PCDH11X: variants seen among roughly 807,000 people sequenced by gnomAD.
PCDH11X encodes protocadherin-11 X-linked.
Under a neutral mutation model 53.3 loss-of-function variants are expected in PCDH11X, and 18 were observed. That is an observed-to-expected ratio of 0.34 (90% CI 0.23 to 0.50). The LOEUF (loss-of-function observed/expected upper bound fraction) is 0.50, where lower values mean the gene tolerates loss of function less well. PCDH11X is among the 20% of genes least tolerant of loss of function. PCDH11X has a pLI of 0.98. For missense variants in PCDH11X, 570 were observed against 1,032.4 expected (o/e 0.55, Z 6.14); for synonymous variants, 279 against 393.3 (o/e 0.71, Z 3.44).
intron 6 of PCDH11X, among the ~76,000 whole-genome samples, chrX:92,194,316 T>C (rs1033530355): frequency 3.6e-5 from 4 of 111,825 alleles, no homozygotes; most frequent in African/African-American, 1.3e-4. Context: ...TTCTGATAAG[T>C]TTTGATATTT....
intron 7 of PCDH11X, among the ~76,000 whole-genome samples, chrX:92,244,933 T>C (rs1483044932): frequency 8.9e-6 from 1 of 111,875 alleles, no homozygotes; most frequent in Admixed American, 9.5e-5. Flanking sequence ...AAGCAATTAA[T>C]AGTAAAAATA....
At chrX:91,916,402 T>G (rs1941565763) in intron 6 of PCDH11X, among the ~76,000 whole-genome samples, 1 of 111,121 alleles carries the variant, frequency 9.0e-6, no homozygotes, top group Admixed American at 9.5e-5. Flanking sequence ...TTTGAAAAGA[T>G]AAACAAATGG....
intron 6 of PCDH11X, among the ~76,000 whole-genome samples, chrX:91,894,519 C>T (rs1940657219): frequency 9.0e-6 from 1 of 111,558 alleles, no homozygotes; most frequent in Non-Finnish European, 1.9e-5. Context: ...TATTCATAAA[C>T]GCACCCCTCT....
chrX:92,255,848 A>C (rs1392495200), intron 7 of PCDH11X, among the ~76,000 whole-genome samples: 1 of 112,262 alleles, frequency 8.9e-6, no homozygotes, highest in African/African-American at 3.2e-5. Context: ...GCTGTCAGAC[A>C]GGGACATTTA....
At chrX:91,830,796 C>A (rs1937078882) in intron 4 of PCDH11X, among the ~76,000 whole-genome samples, 1 of 111,047 alleles carries the variant, frequency 9.0e-6, no homozygotes, top group African/African-American at 3.3e-5. Context: ...ATAGATATTT[C>A]TTATCTTCAT....
intron 7 of PCDH11X, among the ~76,000 whole-genome samples, chrX:92,224,767 C>G (rs1382349773): frequency 8.9e-6 from 1 of 112,174 alleles, no homozygotes; most frequent in Non-Finnish European, 1.9e-5. Flanking sequence ...TTGTCTGAAG[C>G]TTTTAACAAC....
At chrX:92,262,890 G>A (rs1242256033) in intron 7 of PCDH11X, 4 of 306,544 alleles carry the variant, frequency 1.3e-5, no homozygotes, top group Non-Finnish European at 1.7e-5. Context: ...TTTTGCACAA[G>A]ATTTACAATG....
At chrX:91,993,365 G>C (rs2062357993) in intron 6 of PCDH11X, among the ~76,000 whole-genome samples, 1 of 112,300 alleles carries the variant, frequency 8.9e-6, no homozygotes, top group Non-Finnish European at 1.9e-5. Flanking sequence ...ATATTACCTA[G>C]TGCTTTCAGC....
intron 6 of PCDH11X, among the ~76,000 whole-genome samples, chrX:92,098,225 C>G: frequency 9.1e-6 from 1 of 110,289 alleles, no homozygotes; most frequent in South Asian, 3.8e-4. Flanking sequence ...TCTAAGTAAC[C>G]AAAACTACAT....
chrX:91,811,662 G>A (rs1428515026), intron 4 of PCDH11X, among the ~76,000 whole-genome samples: 2 of 108,689 alleles, frequency 1.8e-5, no homozygotes, highest in Non-Finnish European at 3.8e-5. Flanking sequence ...CCTCTGGATC[G>A]TGCAAAGATG....
chrX:92,159,697 T>C (rs2065602848), intron 6 of PCDH11X, among the ~76,000 whole-genome samples: 1 of 99,096 alleles, frequency 1.0e-5, no homozygotes, highest in Non-Finnish European at 2.0e-5. Flanking sequence ...CTTTTATTAG[T>C]GATTCTAGAA....
chrX:92,304,005 G>A (rs1240726832), intron 8 of PCDH11X, among the ~76,000 whole-genome samples: 1 of 109,783 alleles, frequency 9.1e-6, no homozygotes, highest in African/African-American at 3.3e-5. Flanking sequence ...GGGAAATTCT[G>A]TCAACAATAA....
intron 9 of PCDH11X, among the ~76,000 whole-genome samples, chrX:92,399,940 A>C (rs1347980380): frequency 9.8e-6 from 1 of 102,142 alleles, no homozygotes; most frequent in Non-Finnish European, 2.0e-5. Flanking sequence ...TTTAGTAGAG[A>C]TAGTGTTTCA....
intron 9 of PCDH11X, among the ~76,000 whole-genome samples, chrX:92,445,007 G>A (rs1377622472): frequency 1.0e-5 from 1 of 96,000 alleles, no homozygotes; most frequent in African/African-American, 3.7e-5. Context: ...AAGAATATTG[G>A]CCTACAGTTT....
At chrX:92,612,596 T>A (rs1408542547) in intron 10 of PCDH11X, among the ~76,000 whole-genome samples, 2 of 105,956 alleles carry the variant, frequency 1.9e-5, no homozygotes, top group African/African-American at 6.9e-5. Flanking sequence ...TATATACATG[T>A]ATATTGGGTA....
At chrX:92,312,809 G>A (rs1207816363) in intron 8 of PCDH11X, among the ~76,000 whole-genome samples, 1 of 111,018 alleles carries the variant, frequency 9.0e-6, no homozygotes, top group Non-Finnish European at 1.9e-5. Context: ...CTACTAGCAC[G>A]AGTTCTTTTT....
At chrX:91,970,732 T>G (rs2061946653) in intron 6 of PCDH11X, among the ~76,000 whole-genome samples, 1 of 111,666 alleles carries the variant, frequency 9.0e-6, no homozygotes, top group African/African-American at 3.3e-5. Flanking sequence ...TATTCTGCCT[T>G]TCGAAAACAT....
chrX:92,098,828 G>A (rs1202903155), intron 6 of PCDH11X, among the ~76,000 whole-genome samples: 1 of 109,495 alleles, frequency 9.1e-6, no homozygotes, highest in Non-Finnish European at 1.9e-5. Flanking sequence ...TGTATTTATA[G>A]TACAGACAGG....
chrX:92,154,631 G>T (rs2065496129), intron 6 of PCDH11X, among the ~76,000 whole-genome samples: 1 of 110,283 alleles, frequency 9.1e-6, no homozygotes, highest in African/African-American at 3.4e-5. Context: ...CACACAAGCG[G>T]CTGGACAGCG....
Sources: gnomAD v4.1 joint callset for allele counts (sites outside exome capture counted in the v4.1 genomes callset) on GRCh38, gnomAD v4.1.1 for gene constraint, MANE v1.5 for transcripts, NCBI Gene and HGNC (gene_info 2026-07-23, HGNC 2026-07-21) for gene names.